The following TFDP2 variants were observed in gnomAD, a reference collection of about 807,000 sequenced individuals.
TFDP2 encodes transcription factor Dp-2 (E2F dimerization partner 2).
TFDP2 carries 17 observed loss-of-function variants against 59.3 expected under a neutral mutation model. That is an observed-to-expected ratio of 0.29 (90% CI 0.20 to 0.43). The LOEUF (loss-of-function observed/expected upper bound fraction) is 0.43. Ranked by LOEUF, TFDP2 falls within the 20% of genes least tolerant of loss-of-function variation. The pLI, the probability that TFDP2 is intolerant of heterozygous loss-of-function variation, is 1.00. For missense variants in TFDP2, 391 were observed against 528.8 expected, an observed-to-expected ratio of 0.74 and a Z score of 2.56; for synonymous variants, 180 against 194.7, an observed-to-expected ratio of 0.92 and a Z score of 0.63.
chr3:141,983,451 A>G (rs1210216813), intron 6 of TFDP2, among the ~76,000 whole-genome samples: 2 of 152,156 alleles, frequency 1.3e-5, no homozygotes, highest in Non-Finnish European at 2.9e-5. Flanking sequence ...AGCCTGGCCA[A>G]CATGGTGAAA....
chr3:141,957,282 A>G (rs1203377213), intron 11 of TFDP2, among the ~76,000 whole-genome samples: 2 of 152,134 alleles, frequency 1.3e-5, no homozygotes, highest in African/African-American at 4.8e-5. Context: ...ACGTCACCGC[A>G]CTCCAGCTTG....
At position 141,950,865 on chromosome 3, in the gene TFDP2, T is replaced by C. The variant is rs980877510; in HGVS notation, c.*1648A>G. On this transcript the variant is annotated 3_prime_UTR_variant, in exon 13 of 13. Transcript: ENST00000489671. Reference sequence around the variant, plus strand: ...CCGAGTTCTCTAGAAACTGCCTCTATCTCTGAGTCTGTACTATGGCTTATT... The same window carrying C: ...CCGAGTTCTCTAGAAACTGCCTCTACCTCTGAGTCTGTACTATGGCTTATT... 6.6e-6 allele frequency: 1 copy of C among 152,366 alleles called. No homozygotes were observed. Among genetic ancestry groups the C allele is most frequent in the African/African-American group, 2.4e-5 (1 of 41,456 alleles). 9.4% of individuals were successfully genotyped at this position (152,366 alleles called of 1,614,324 possible). A position where few individuals can be genotyped will look rare whatever the true frequency, so the allele number is the denominator to read the frequency against.
chr3:142,106,269 C>T (rs1011820415), intron 1 of TFDP2, among the ~76,000 whole-genome samples: 2 of 152,086 alleles, frequency 1.3e-5, no homozygotes, highest in Admixed American at 6.5e-5. Flanking sequence ...AATCACCAAA[C>T]GTTCAAATGT....
intron 6 of TFDP2, 49 bp from the exon 7 acceptor site, chr3:141,978,731 T>TGTAAAGAAAG: frequency 1.5e-6 from 2 of 1,366,708 alleles, no homozygotes; most frequent in Non-Finnish European, 1.9e-6. Context: ...ATTAGAGACT[T>TGTAAAGAAAG]TCTTTACAAA....
At chr3:141,992,597 G>A (rs961437684) in intron 6 of TFDP2, among the ~76,000 whole-genome samples, 1 of 152,214 alleles carries the variant, frequency 6.6e-6, no homozygotes, top group Admixed American at 6.5e-5. Flanking sequence ...TTCTGTTAGA[G>A]AGTAAAGAAC....
rs774696455 is a variant in TFDP2, at chr3:141,952,557, C to T, written c.1297G>A (p.Glu433Lys). Residue 433 changes from glutamate (E) to lysine (K), a missense_variant, in exon 13 of 13, where the codon GAA (glutamate) becomes AAA (lysine). By Grantham distance (56) the Glu-to-Lys change is moderately conservative. Transcript: ENST00000489671. ...RGETPCSFND[E>K]DEEDDEEDSS... Reference sequence around the variant, plus strand: ...TCCTCCTCATCATCTTCCTCATCTTCATCATTGAACGAACAGGGGGTCTCG... The same window carrying T: ...TCCTCCTCATCATCTTCCTCATCTTTATCATTGAACGAACAGGGGGTCTCG... The T allele has an allele frequency of 1.3e-6, 2 of 1,560,116 alleles. No homozygotes were observed. Among genetic ancestry groups the T allele is most frequent in the South Asian group, 1.2e-5 (1 of 80,540 alleles).
At chr3:142,123,722 G>C (rs1264544040) in intron 1 of TFDP2, among the ~76,000 whole-genome samples, 1 of 152,034 alleles carries the variant, frequency 6.6e-6, no homozygotes, top group Non-Finnish European at 1.5e-5. Flanking sequence ...CATCACTAAA[G>C]AAACAATCCC....
At chr3:142,085,163 C>T (rs557956229) in intron 3 of TFDP2, among the ~76,000 whole-genome samples, 3 of 152,284 alleles carry the variant, frequency 2.0e-5, no homozygotes, top group East Asian at 3.9e-4. Flanking sequence ...TCAAGTGATC[C>T]GCCTGCCTCC....
At chr3:142,011,603 A>AAG (rs1944702881) in intron 3 of TFDP2, among the ~76,000 whole-genome samples, 1 of 125,918 alleles carries the variant, frequency 7.9e-6, no homozygotes, top group African/African-American at 4.1e-5. Flanking sequence ...AAAAAAAAAG[A>AAG]AAAAAAAAAA....
At chr3:142,072,129 T>C (rs558436121) in intron 3 of TFDP2, among the ~76,000 whole-genome samples, 3 of 152,118 alleles carry the variant, frequency 2.0e-5, no homozygotes, top group African/African-American at 7.2e-5. Flanking sequence ...AAAAGGAAGG[T>C]GAAAATATTA....
intron 3 of TFDP2, among the ~76,000 whole-genome samples, chr3:142,029,390 G>A (rs774214359): frequency 6.6e-6 from 1 of 151,624 alleles, no homozygotes; most frequent in Non-Finnish European, 1.5e-5. Context: ...AAAATTTCCA[G>A]GTTAGTCCCT....
intron 2 of TFDP2, among the ~76,000 whole-genome samples, chr3:142,094,673 G>A (rs957442185): frequency 2.0e-5 from 3 of 152,036 alleles, no homozygotes; most frequent in African/African-American, 7.2e-5. Context: ...AGATATCATT[G>A]ATATATAAAA....
intron 3 of TFDP2, among the ~76,000 whole-genome samples, chr3:142,052,682 C>T (rs772364400): frequency 9.9e-5 from 15 of 152,084 alleles, no homozygotes; most frequent in Middle Eastern, 3.2e-3. Flanking sequence ...CTCCCACTTC[C>T]GCCTCCCAAA....
intron 3 of TFDP2, among the ~76,000 whole-genome samples, chr3:142,053,684 T>C (rs1431179734): frequency 6.6e-6 from 1 of 152,102 alleles, no homozygotes; most frequent in African/African-American, 2.4e-5. Flanking sequence ...GCAGGAGATA[T>C]TGGAAAAGCC....
chr3:142,104,555 A>T (rs1444427946), intron 1 of TFDP2, among the ~76,000 whole-genome samples: 3 of 152,174 alleles, frequency 2.0e-5, no homozygotes, highest in Admixed American at 6.5e-5. Context: ...ATGCAATTAA[A>T]TTAGGAATCA....
chr3:142,061,173 T>C (rs535114707), intron 3 of TFDP2, among the ~76,000 whole-genome samples: 2 of 152,352 alleles, frequency 1.3e-5, no homozygotes, highest in African/African-American at 4.8e-5. Flanking sequence ...AAATACTTCT[T>C]ATAATTAAGT....
At chr3:141,970,890 T>C (rs183554235) in intron 8 of TFDP2, among the ~76,000 whole-genome samples, 1 of 151,682 alleles carries the variant, frequency 6.6e-6, no homozygotes, top group Non-Finnish European at 1.5e-5. Flanking sequence ...GGCGAAACCC[T>C]ATCTCTACAA....
chr3:141,966,731 A>G (rs1483755986), intron 9 of TFDP2, among the ~76,000 whole-genome samples: 1 of 151,540 alleles, frequency 6.6e-6, no homozygotes, highest in African/African-American at 2.4e-5. Context: ...ATAGAGATAA[A>G]AGTAGGATAT....
Position 141,947,610 on chromosome 3 carries a change from T to C in TFDP2, c.*4903A>G, listed in dbSNP as rs1019469173. The C allele has an allele frequency of 1.3e-5, 2 of 152,158 alleles. No homozygotes were observed. Among genetic ancestry groups the C allele is most frequent in the Non-Finnish European group, 2.9e-5 (2 of 68,024 alleles). The allele number at this position is 152,158 out of a possible 1,614,324, so 9.4% of individuals were successfully genotyped here. Reference sequence around the variant, plus strand: ...TTGTATTTTCTAATGATTTTTCTACTGCATAGATTCAGTTGGAAAGTAGTG... The same window carrying C: ...TTGTATTTTCTAATGATTTTTCTACCGCATAGATTCAGTTGGAAAGTAGTG... On this transcript the variant is annotated 3_prime_UTR_variant, in exon 13 of 13. Transcript: ENST00000489671.
Sources: gnomAD v4.1 joint callset for allele counts (sites outside exome capture counted in the v4.1 genomes callset) on GRCh38, gnomAD v4.1.1 for gene constraint, MANE v1.5 for transcripts, NCBI Gene and HGNC (gene_info 2026-07-23, HGNC 2026-07-21) for gene names.